Variants in TRIQK observed in about 807,000 individuals in gnomAD.
TRIQK encodes the protein triple QxxK/R motif containing, also known as triple QxxK/R motif-containing protein.
TRIQK carries 10 observed loss-of-function variants against 10.8 expected under a neutral mutation model. The ratio of observed to expected loss-of-function variants is 0.92; its 90% CI spans 0.57 to 1.57. The LOEUF (loss-of-function observed/expected upper bound fraction) is 1.57. Ranked by LOEUF, TRIQK falls within the 40% of genes most tolerant of loss-of-function variation. TRIQK has a pLI of 0.00. For missense variants in TRIQK, 107 were observed against 97.7 expected (o/e 1.09, Z -0.40); for synonymous variants, 33 against 33.7 (o/e 0.98, Z 0.07).
chr8:92,964,967 A>G (rs1395371360), intron 1 of TRIQK: 1 of 152,196 alleles, frequency 6.6e-6, no homozygotes, highest in Non-Finnish European at 1.5e-5. Flanking sequence ...CTGCCAGAGG[A>G]AAATAAAAGA....
chr8:92,919,141 G>A (rs1810035836), intron 2 of TRIQK, among the ~76,000 whole-genome samples: 2 of 151,778 alleles, frequency 1.3e-5, no homozygotes, highest in African/African-American at 4.8e-5. Context: ...AGTATAATTT[G>A]AAATCAGATA....
upstream of TRIQK, among the ~76,000 whole-genome samples, chr8:92,969,153 G>A (rs1316088483): frequency 6.6e-6 from 1 of 152,088 alleles, no homozygotes; most frequent in Non-Finnish European, 1.5e-5. Flanking sequence ...CTGTTCCACT[G>A]GTCTATATAT....
chr8:92,960,630 A>G (rs560269953), intron 1 of TRIQK: 8 of 152,322 alleles, frequency 5.3e-5, no homozygotes, highest in Non-Finnish European at 1.0e-4. Context: ...GAGACATGAC[A>G]ACAAAATAAG....
At chr8:92,927,076 A>G (rs1398823551) in intron 2 of TRIQK, among the ~76,000 whole-genome samples, 3 of 152,132 alleles carry the variant, frequency 2.0e-5, no homozygotes, top group African/African-American at 4.8e-5. Flanking sequence ...ATAAAAAATG[A>G]AAACAGGATT....
At chr8:92,900,880 T>C (rs1808898950) in intron 3 of TRIQK, among the ~76,000 whole-genome samples, 1 of 152,176 alleles carries the variant, frequency 6.6e-6, no homozygotes, top group South Asian at 2.1e-4. Context: ...GAACATGGAA[T>C]ATTTTCCCAT....
intron 3 of TRIQK, among the ~76,000 whole-genome samples, chr8:92,899,980 A>G (rs1427195262): frequency 1.3e-5 from 2 of 151,972 alleles, no homozygotes; most frequent in African/African-American, 2.4e-5. Context: ...TGTATTTTTG[A>G]TTTTCATTTC....
chr8:92,907,768 G>A (rs1002186479), intron 3 of TRIQK, among the ~76,000 whole-genome samples: 1 of 151,804 alleles, frequency 6.6e-6, no homozygotes, highest in Non-Finnish European at 1.5e-5. Flanking sequence ...TATTCAGTAT[G>A]AATAAAACAG....
chr8:92,983,206 G>C (rs890701922), intron 1 of TRIQK, among the ~76,000 whole-genome samples: 2 of 152,014 alleles, frequency 1.3e-5, no homozygotes, highest in African/African-American at 4.8e-5. Context: ...TACTAGTTTT[G>C]TCAGACTGCT....
intron 1 of TRIQK, among the ~76,000 whole-genome samples, chr8:93,000,669 C>T (rs1813201111): frequency 6.6e-6 from 1 of 151,878 alleles, no homozygotes; most frequent in African/African-American, 2.4e-5. Context: ...TTAAGGCAAC[C>T]ATAATATAAA....
intron 1 of TRIQK, among the ~76,000 whole-genome samples, chr8:92,979,655 T>A (rs1159045555): frequency 6.6e-6 from 1 of 152,084 alleles, no homozygotes; most frequent in Non-Finnish European, 1.5e-5. Flanking sequence ...TACATTCAGG[T>A]CATGTATTCC....
At chr8:93,003,244 G>A (rs1008007359) in intron 1 of TRIQK, among the ~76,000 whole-genome samples, 1 of 151,316 alleles carries the variant, frequency 6.6e-6, no homozygotes, top group African/African-American at 2.4e-5. Flanking sequence ...GGGTGGGGGC[G>A]GTGCTCAGGT....
At chr8:92,991,179 A>G in intron 1 of TRIQK, among the ~76,000 whole-genome samples, 1 of 152,202 alleles carries the variant, frequency 6.6e-6, no homozygotes, top group African/African-American at 2.4e-5. Context: ...CCACAAAGCC[A>G]CTGTAGCCCG....
intron 3 of TRIQK, 102 bp from the exon 4 acceptor site, chr8:92,892,176 C>A: frequency 1.2e-6 from 1 of 808,020 alleles, no homozygotes; most frequent in African/African-American, 1.8e-5. Context: ...GAAACAGGGA[C>A]ACGGAGTTGC....
At chr8:92,913,678 A>C (rs560856743) in intron 3 of TRIQK, among the ~76,000 whole-genome samples, 1 of 152,360 alleles carries the variant, frequency 6.6e-6, no homozygotes, top group South Asian at 2.1e-4. Flanking sequence ...ACTTATGTTT[A>C]CTGAAGCACT....
intron 1 of TRIQK, among the ~76,000 whole-genome samples, chr8:92,995,399 T>C (rs898498766): frequency 6.6e-6 from 1 of 152,080 alleles, no homozygotes; most frequent in Admixed American, 6.5e-5. Flanking sequence ...TGTGTTTTTA[T>C]TCCCCATCTA....
Position 93,009,668 on chromosome 8 carries a change from C to G in TRIQK, c.-181+7941G>C, listed in dbSNP as rs749535545. Among the ~76,000 whole-genome samples, 6 of 151,670 alleles carry G rather than the reference C, an allele frequency of 4.0e-5. No homozygotes were observed. The East Asian group carries it at 1.2e-3, about 29-fold the overall frequency. ...GGATGTGGAGAAAAAAGAACCCTTA[C>G]ACAGGCTATTCAGAATGTAAACCAG... On this transcript the variant is annotated intron_variant, in intron 1 of 4. Transcript: ENST00000520686.
intron 3 of TRIQK, among the ~76,000 whole-genome samples, chr8:92,896,573 A>G (rs62520785): frequency 0.061 from 9,281 of 152,120 alleles, 528 homozygotes; most frequent in African/African-American, 0.15. Flanking sequence ...GGTGGTTTGA[A>G]CCCAACAAAG....
At chr8:92,918,331 T>C (rs1809978458) in intron 2 of TRIQK, among the ~76,000 whole-genome samples, 1 of 151,992 alleles carries the variant, frequency 6.6e-6, no homozygotes, top group Admixed American at 6.6e-5. Context: ...CAATTTACAT[T>C]TTCACCCACA....
intron 1 of TRIQK, among the ~76,000 whole-genome samples, chr8:92,975,449 A>G (rs548293635): frequency 6.6e-6 from 1 of 152,180 alleles, no homozygotes; most frequent in African/African-American, 2.4e-5. Flanking sequence ...TGAACACATT[A>G]TATACACTGG....
Sources: allele counts gnomAD v4.1 joint callset (sites outside exome capture counted in the v4.1 genomes callset), GRCh38; gene constraint gnomAD v4.1.1; transcripts MANE v1.5; gene names NCBI Gene and HGNC (gene_info 2026-07-23, HGNC 2026-07-21).